Variants in MYOT observed in about 807,000 individuals in gnomAD.
The protein encoded by MYOT is myotilin, also known as 57 kDa cytoskeletal protein.
Under a neutral mutation model 58.0 loss-of-function variants are expected in MYOT, and 36 were observed. That is an observed-to-expected ratio of 0.62 (90% CI 0.48 to 0.82). The LOEUF is 0.82. Ranked by LOEUF, MYOT falls within the 40% of genes least tolerant of loss-of-function variation. The probability of loss-of-function intolerance (pLI) is 0.00; values close to 1 mark genes in which losing one functional copy is unlikely to be tolerated. For missense variants in MYOT, 505 were observed against 592.1 expected (o/e 0.85, Z 1.53); for synonymous variants, 218 against 204.6 (o/e 1.07, Z -0.56).
intron 7 of MYOT, 82 bp from the exon 8 acceptor site, chr5:137,885,966 T>C (rs1755587781): frequency 2.1e-6 from 2 of 961,940 alleles, no homozygotes; most frequent in Admixed American, 4.8e-5. Flanking sequence ...AATATCAACA[T>C]ACAAATTTCA....
chr5:137,876,404 T>TATCTTTA (rs1755222603), intron 3 of MYOT, among the ~76,000 whole-genome samples: 1 of 152,242 alleles, frequency 6.6e-6, no homozygotes, highest in South Asian at 2.1e-4. Flanking sequence ...ATTAGTAACT[T>TATCTTTA]ATCTTTAAAC....
chr5:137,876,498 G>A (rs1755225522), intron 3 of MYOT, among the ~76,000 whole-genome samples: 2 of 152,130 alleles, frequency 1.3e-5, no homozygotes, highest in Admixed American at 6.5e-5. Context: ...CAAATATTCA[G>A]TGCTCATTTA....
At chr5:137,877,488 A>C in intron 3 of MYOT, 32 bp from the exon 4 acceptor site, 2 of 1,457,606 alleles carry the variant, frequency 1.4e-6, no homozygotes, top group Non-Finnish European at 1.9e-6. Flanking sequence ...CTTTTATTAA[A>C]TCTAATTACT....
At chr5:137,885,263 G>A (rs932530687) in intron 7 of MYOT, among the ~76,000 whole-genome samples, 1 of 152,070 alleles carries the variant, frequency 6.6e-6, no homozygotes, top group African/African-American at 2.4e-5. Context: ...TATCTCATTT[G>A]TTCCTTACAA....
chr5:137,872,081 T>C (rs1755069372), intron 2 of MYOT, among the ~76,000 whole-genome samples: 1 of 152,206 alleles, frequency 6.6e-6, no homozygotes, highest in Admixed American at 6.5e-5. Flanking sequence ...TTCAATATTT[T>C]AAAAAATAAA....
intron 5 of MYOT, 46 bp downstream of exon 5, chr5:137,880,911 ATATT>A (rs1175638189): frequency 3.1e-6 from 4 of 1,300,922 alleles, no homozygotes; most frequent in Non-Finnish European, 4.4e-6. Flanking sequence ...CCTATCTAAA[ATATT>A]TTCAGCTTAA....
intron 4 of MYOT, among the ~76,000 whole-genome samples, chr5:137,879,429 G>A (rs755056777): frequency 1.3e-5 from 2 of 151,654 alleles, no homozygotes; most frequent in Admixed American, 1.3e-4. Flanking sequence ...TCTGCACTTG[G>A]TATGGAAGAT....
chr5:137,876,306 C>T, intron 3 of MYOT: 1 of 378,202 alleles, frequency 2.6e-6, no homozygotes, highest in South Asian at 2.6e-5. Context: ...GAATTACTGT[C>T]AAGTCAACTT....
Position 137,886,072 on chromosome 5 carries a change from T to G in MYOT, c.1049T>G (p.Met350Arg). 1.2e-6 allele frequency: 2 copies of G among 1,602,488 alleles called. No homozygotes were observed. Among genetic ancestry groups the G allele is most frequent in the Non-Finnish European group, 1.7e-6 (2 of 1,170,210 alleles). Residue 350 changes from methionine to arginine, a missense_variant, in exon 8 of 10, where the codon ATG becomes AGG. Physicochemically the swap from Met to Arg is moderately conservative, Grantham distance 91. Coordinates refer to ENST00000239926, the MANE Select transcript of MYOT (RefSeq NM_006790.3). Reference protein sequence around the residue: ...VLAKEHKRAPMFIYKPQSKKV... With the variant: ...VLAKEHKRAPRFIYKPQSKKV... ...GCAAAAGAACATAAAAGAGCACCAATGTTTATCTACAAACCACAGAGCAAA... is the reference window on the plus strand; with the variant it reads ...GCAAAAGAACATAAAAGAGCACCAAGGTTTATCTACAAACCACAGAGCAAA...
intron 4 of MYOT, among the ~76,000 whole-genome samples, chr5:137,880,035 T>C (rs528608931): frequency 6.6e-6 from 1 of 152,360 alleles, no homozygotes; most frequent in African/African-American, 2.4e-5. Flanking sequence ...AAATTATTTG[T>C]ACTCAGATCT....
chr5:137,886,243 G>C, intron 8 of MYOT, 30 bp downstream of exon 8: 1 of 1,535,368 alleles, frequency 6.5e-7, no homozygotes, highest in Admixed American at 1.7e-5. Context: ...ACTTACTATA[G>C]TTTATTTGGG....
chr5:137,887,459 T>A lies in MYOT; in HGVS notation c.*74T>A. ...TTTGATTACATTTTTTTGAAATTAA[T>A]CCATAGCTGTATTAACAGATTATGG... On this transcript the variant is annotated 3_prime_UTR_variant, in exon 10 of 10. Coordinates refer to ENST00000239926, the MANE Select transcript of MYOT (RefSeq NM_006790.3). 1 of 1,392,346 alleles carries A rather than the reference T, an allele frequency of 7.2e-7. No homozygotes were observed. Among genetic ancestry groups the A allele is most frequent in the Non-Finnish European group, 1.0e-6 (1 of 989,670 alleles). The allele number at this position is 1,392,346 out of a possible 1,614,324, so 86.2% of individuals were successfully genotyped here. A position where few individuals can be genotyped will look rare whatever the true frequency, so the allele number is the denominator to read the frequency against.
rs375274205 is a variant in MYOT at position 137,887,359 on chromosome 5, G to A, written c.1471G>A (p.Gly491Arg). The A allele has an allele frequency of 2.1e-5, 34 of 1,613,730 alleles. No homozygotes were observed. Among genetic ancestry groups the A allele is most frequent in the Non-Finnish European group, 2.7e-5 (32 of 1,179,942 alleles). Residue 491 changes from glycine to arginine, a missense_variant, in exon 10 of 10, where the codon GGA (glycine) becomes AGA (arginine). Physicochemically the swap from Gly to Arg is moderately radical, Grantham distance 125. Coordinates refer to ENST00000239926, the MANE Select transcript of MYOT (RefSeq NM_006790.3). ...GEFQRLAAQS[G>R]LYESEEL ...ATTTCAGCGTTTGGCAGCTCAATCT[G>A]GACTCTATGAAAGTGAAGAACTTTA...
intron 7 of MYOT, among the ~76,000 whole-genome samples, chr5:137,885,568 T>TA (rs1755569200): frequency 6.6e-6 from 1 of 151,798 alleles, no homozygotes; most frequent in Admixed American, 6.6e-5. Flanking sequence ...GGCCAGGAGT[T>TA]AGAGATCAGC....
At chr5:137,871,373 G>A (rs1488385429) in intron 2 of MYOT, among the ~76,000 whole-genome samples, 2 of 152,128 alleles carry the variant, frequency 1.3e-5, no homozygotes, top group African/African-American at 4.8e-5. Context: ...CTCTGGTTCT[G>A]GGCTTGGCTA....
intron 8 of MYOT, 191 bp from the exon 9 acceptor site, chr5:137,886,673 T>C: frequency 1.6e-6 from 1 of 628,940 alleles, no homozygotes; most frequent in Admixed American, 2.6e-5. Context: ...GGGGACAGAT[T>C]GAAGAGCAGA....
chr5:137,871,676 A>G (rs561478218), intron 2 of MYOT, among the ~76,000 whole-genome samples: 1 of 152,346 alleles, frequency 6.6e-6, no homozygotes, highest in East Asian at 1.9e-4. Context: ...AGTTGGGTTG[A>G]TCTAAATACA....
chr5:137,877,478 C>A, intron 3 of MYOT, 42 bp from the exon 4 acceptor site: 1 of 1,375,430 alleles, frequency 7.3e-7, no homozygotes, highest in African/African-American at 1.4e-5. Flanking sequence ...GTACAAACAT[C>A]TTTTATTAAA....
At chr5:137,877,139 C>T (rs1461985364) in intron 3 of MYOT, among the ~76,000 whole-genome samples, 3 of 151,560 alleles carry the variant, frequency 2.0e-5, no homozygotes, top group Non-Finnish European at 2.9e-5. Context: ...GAGGCCGAGG[C>T]GGGTGGATCA....
Sources: gnomAD v4.1 joint callset for allele counts (sites outside exome capture counted in the v4.1 genomes callset) on GRCh38, gnomAD v4.1.1 for gene constraint, MANE v1.5 for transcripts, NCBI Gene and HGNC (gene_info 2026-07-23, HGNC 2026-07-21) for gene names.